STK38: variants seen among roughly 807,000 people sequenced by gnomAD.
The protein encoded by STK38 is serine/threonine-protein kinase 38.
Under a neutral mutation model 59.0 loss-of-function variants are expected in STK38, and 26 were observed. The observed-to-expected ratio is 0.44, with a 90% CI of 0.32 to 0.61. STK38 has a LOEUF of 0.61. Among genes scored for constraint, STK38 ranks in the 20% least tolerant of loss-of-function variants. The pLI, the probability that STK38 is intolerant of heterozygous loss-of-function variation, is 0.04. For missense variants in STK38, 433 were observed against 566.0 expected (o/e 0.76, Z 2.38); for synonymous variants, 175 against 176.6 (o/e 0.99, Z 0.07).
chr6:36,494,908 C>G lies in STK38; in HGVS notation c.*876G>C, dbSNP rs1189593943. ...GGCCTGGGCTCTCCTCGTTAGGTTC[C>G]CAGGAATAAATTGAGTTCCCATTGG... On this transcript the variant is annotated 3_prime_UTR_variant, in exon 14 of 14. Coordinates refer to ENST00000229812, the MANE Select transcript of STK38 (RefSeq NM_007271.4). 6.6e-6 allele frequency: 1 copy of G among 152,224 alleles called. No individual in the cohort carries two copies. The highest frequency in any genetic ancestry group is 2.4e-5 in the African/African-American group (1 of 41,444). 9.4% of individuals were successfully genotyped at this position (152,224 alleles called of 1,614,324 possible). A position where few individuals can be genotyped will look rare whatever the true frequency, so the allele number is the denominator to read the frequency against.
chr6:36,527,573 G>A (rs1478719595), intron 2 of STK38, among the ~76,000 whole-genome samples: 1 of 151,386 alleles, frequency 6.6e-6, no homozygotes, highest in Non-Finnish European at 1.5e-5. Flanking sequence ...AAAACCTTCA[G>A]ACATCAAACT....
chr6:36,503,704 A>G (rs1776894441), intron 9 of STK38, among the ~76,000 whole-genome samples: 1 of 152,204 alleles, frequency 6.6e-6, no homozygotes, highest in Non-Finnish European at 1.5e-5. Context: ...TGCCAGAGGA[A>G]AAGAACTCCT....
Position 36,524,391 on chromosome 6 carries a change from A to G in STK38, c.256T>C (p.Leu86=), listed in dbSNP as rs1296612503. 5.0e-6 allele frequency: 8 copies of G among 1,613,734 alleles called. No homozygotes were observed. The highest frequency in any genetic ancestry group is 6.8e-6 in the Non-Finnish European group (8 of 1,179,898). ...FLRLKRTRLG[L]EDFESLKVIG... ...ACTTTTAAGGACTCAAAATCTTCCA[A>G]TCCAAGTCTTGTTCTCTTCAAACGA... The change falls in exon 4 of 14, where the codon TTG becomes CTG. Residue 86 remains leucine, a synonymous_variant. Coordinates refer to ENST00000229812, the MANE Select transcript of STK38 (RefSeq NM_007271.4).
intron 2 of STK38, among the ~76,000 whole-genome samples, chr6:36,537,798 C>T (rs1282515833): frequency 6.6e-6 from 1 of 151,914 alleles, no homozygotes; most frequent in Non-Finnish European, 1.5e-5. Context: ...ACTTGGGAGG[C>T]TGAGGCAGGA....
chr6:36,537,319 GA>G (rs1203869933), intron 2 of STK38, among the ~76,000 whole-genome samples: 2 of 152,028 alleles, frequency 1.3e-5, no homozygotes, highest in African/African-American at 4.8e-5. Flanking sequence ...TAATATTTTG[GA>G]AAAAGGTCTA....
At position 36,495,325 on chromosome 6, in the gene STK38, T is replaced by C. The variant is rs1362710368; in HGVS notation, c.*459A>G. On this transcript the variant is annotated 3_prime_UTR_variant, in exon 14 of 14. Transcript: ENST00000229812. ...ATCCTGGCTGCTGAGACTGTCTTTA[T>C]TGCTTTATTTCCTTAGTACTATGGA... 1 of 156,120 alleles carries C rather than the reference T, an allele frequency of 6.4e-6. No homozygotes were observed. The highest frequency in any genetic ancestry group is 6.3e-5 in the Admixed American group (1 of 15,908). The allele number at this position is 156,120 out of a possible 1,614,324, so 9.7% of individuals were successfully genotyped here. A position where few individuals can be genotyped will look rare whatever the true frequency, so the allele number is the denominator to read the frequency against.
chr6:36,536,829 C>A (rs939824413), intron 2 of STK38, among the ~76,000 whole-genome samples: 25 of 151,946 alleles, frequency 1.6e-4, no homozygotes, highest in African/African-American at 5.5e-4. Context: ...AGCCACCGCA[C>A]CTGGCCCAAA....
intron 11 of STK38, among the ~76,000 whole-genome samples, 164 bp downstream of exon 11, chr6:36,498,199 T>C (rs1776751939): frequency 1.3e-5 from 2 of 152,216 alleles, no homozygotes; most frequent in South Asian, 4.1e-4. Context: ...CCCAAAGTGC[T>C]GGAATTATAG....
intron 2 of STK38, among the ~76,000 whole-genome samples, chr6:36,535,148 A>C (rs887354894): frequency 3.5e-4 from 54 of 152,268 alleles, no homozygotes; most frequent in Non-Finnish European, 1.9e-4. Context: ...AAACTAAAGA[A>C]GACCTTAAAA....
At chr6:36,512,112 G>A (rs539134979) in intron 7 of STK38, among the ~76,000 whole-genome samples, 1 of 152,078 alleles carries the variant, frequency 6.6e-6, no homozygotes, top group South Asian at 2.1e-4. Flanking sequence ...CTTTTTAAAA[G>A]CAGTTCCTGG....
chr6:36,509,536 A>AT (rs2127472204), intron 7 of STK38, among the ~76,000 whole-genome samples: 1 of 150,476 alleles, frequency 6.6e-6, no homozygotes, highest in African/African-American at 2.4e-5. Context: ...ACTGATGTAG[A>AT]TAAGTTAGTT....
At chr6:36,528,579 G>A (rs1233711663) in intron 2 of STK38, among the ~76,000 whole-genome samples, 1 of 152,192 alleles carries the variant, frequency 6.6e-6, no homozygotes, top group Non-Finnish European at 1.5e-5. Flanking sequence ...GGATACATGT[G>A]CATCTATGCG....
At chr6:36,546,306 G>C (rs1320653566) in intron 1 of STK38, among the ~76,000 whole-genome samples, 2 of 152,280 alleles carry the variant, frequency 1.3e-5, no homozygotes, top group South Asian at 2.1e-4. Context: ...GACATGAAAT[G>C]GTTTGCTATA....
At chr6:36,535,178 G>A (rs754837583) in intron 2 of STK38, among the ~76,000 whole-genome samples, 5 of 152,172 alleles carry the variant, frequency 3.3e-5, no homozygotes, top group Non-Finnish European at 5.9e-5. Flanking sequence ...TGGGCCAGGT[G>A]CAGTAGCTCA....
At chr6:36,507,930 A>ATTTTTTTTT in intron 7 of STK38, among the ~76,000 whole-genome samples, 1 of 113,256 alleles carries the variant, frequency 8.8e-6, no homozygotes, top group Non-Finnish European at 1.7e-5. Flanking sequence ...GGTATTCAGA[A>ATTTTTTTTT]TTTTTTTTTT....
intron 2 of STK38, among the ~76,000 whole-genome samples, chr6:36,537,279 TGTAAA>T (rs1292386849): frequency 1.3e-5 from 2 of 152,052 alleles, no homozygotes; most frequent in South Asian, 2.1e-4. Context: ...TTAGTAAAAA[TGTAAA>T]GTAAATAGAA....
rs549372848 is a variant in STK38, at chr6:36,531,705, T to G, written c.132-6063A>C. Among the ~76,000 whole-genome samples, 5 of 152,328 alleles carry G rather than the reference T, an allele frequency of 3.3e-5. No homozygotes were observed. In the South Asian group the frequency reaches 1.0e-3, roughly 32 times the overall value. On this transcript the variant is annotated intron_variant, in intron 2 of 13. Coordinates refer to ENST00000229812, the MANE Select transcript of STK38 (RefSeq NM_007271.4). The stretch of plus-strand genomic sequence containing the variant: ...CAGCACTGTGTGATGGACACTAGAT[T>G]CAGGGGGTTTAATTATTTTTAAACC...
chr6:36,515,610 G>A, intron 6 of STK38, 118 bp from the exon 7 acceptor site: 5 of 1,538,790 alleles, frequency 3.2e-6, no homozygotes, highest in Non-Finnish European at 4.3e-6. Flanking sequence ...GCCAAAATAA[G>A]GCGGCTAAAC....
chr6:36,518,485 T>C (rs1445180662), intron 5 of STK38, among the ~76,000 whole-genome samples: 4 of 152,230 alleles, frequency 2.6e-5, no homozygotes, highest in South Asian at 2.1e-4. Context: ...TGCTTTATTA[T>C]CAAATTTACC....
Sources: allele counts gnomAD v4.1 joint callset (sites outside exome capture counted in the v4.1 genomes callset), GRCh38; gene constraint gnomAD v4.1.1; transcripts MANE v1.5; gene names NCBI Gene and HGNC (gene_info 2026-07-23, HGNC 2026-07-21).